The following PREX1 variants were observed in gnomAD, a reference collection of about 807,000 sequenced individuals.
PREX1 encodes phosphatidylinositol 3,4,5-trisphosphate-dependent Rac exchanger 1 protein.
PREX1 carries 41 observed loss-of-function variants against 198.3 expected under a neutral mutation model. The ratio of observed to expected loss-of-function variants is 0.21; its 90% CI spans 0.16 to 0.27. PREX1 has a LOEUF of 0.27. Among genes scored for constraint, PREX1 ranks in the 10% least tolerant of loss-of-function variants. The pLI is 1.00. For missense variants in PREX1, 1,620 were observed against 2,200.7 expected (o/e 0.74, Z 5.28); for synonymous variants, 843 against 887.2 (o/e 0.95, Z 0.89).
chr20:48,851,390 C>T, the PREX1 span, among the ~76,000 whole-genome samples: 2 of 152,050 alleles, frequency 1.3e-5, no homozygotes, highest in East Asian at 3.8e-4. Flanking sequence ...GCTTGTAATC[C>T]CAGCTATGTG....
the PREX1 span, among the ~76,000 whole-genome samples, chr20:48,871,742 G>A: frequency 4.8e-4 from 57 of 117,940 alleles, 2 homozygotes; most frequent in South Asian, 0.012. Flanking sequence ...ATAATATGGA[G>A]ATAATAATAG....
the PREX1 span, among the ~76,000 whole-genome samples, chr20:48,849,988 G>A: frequency 2.0e-5 from 3 of 152,166 alleles, no homozygotes; most frequent in Admixed American, 2.0e-4. Flanking sequence ...TCTTGGGCAA[G>A]TTACTCAACT....
intron 3 of PREX1, among the ~76,000 whole-genome samples, chr20:48,737,649 C>T (rs2090063088): frequency 6.6e-6 from 1 of 152,174 alleles, no homozygotes; most frequent in African/African-American, 2.4e-5. Context: ...TCAGAGTTCC[C>T]CGTCCTAATA....
chr20:48,646,887 G>C (rs1475040934), intron 25 of PREX1, among the ~76,000 whole-genome samples: 1 of 152,114 alleles, frequency 6.6e-6, no homozygotes, highest in Non-Finnish European at 1.5e-5. Context: ...TTCCTCATAT[G>C]TAAAATGGGA....
At chr20:48,819,066 G>A (rs1042402360) in intron 1 of PREX1, among the ~76,000 whole-genome samples, 2 of 152,142 alleles carry the variant, frequency 1.3e-5, no homozygotes, top group Non-Finnish European at 2.9e-5. Context: ...GGGAGGGGAC[G>A]GTACACCCAT....
chr20:48,795,117 T>C (rs2122987004), intron 1 of PREX1, among the ~76,000 whole-genome samples: 1 of 152,292 alleles, frequency 6.6e-6, no homozygotes, highest in Non-Finnish European at 1.5e-5. Context: ...TGTCTGCCTC[T>C]TACCAGAGGG....
chr20:48,839,627 T>G, the PREX1 span, among the ~76,000 whole-genome samples: 1 of 152,338 alleles, frequency 6.6e-6, no homozygotes, highest in Non-Finnish European at 1.5e-5. Flanking sequence ...TGGTCCATGC[T>G]TGTGCTACCT....
At chr20:48,770,718 A>G (rs2090231520) in intron 1 of PREX1, among the ~76,000 whole-genome samples, 2 of 152,178 alleles carry the variant, frequency 1.3e-5, no homozygotes, top group Non-Finnish European at 2.9e-5. Flanking sequence ...TCAAAAAAAA[A>G]AATCTGGCCA....
Position 48,691,830 on chromosome 20 carries a change from T to C in PREX1, c.1037-734A>G, listed in dbSNP as rs965792990. On this transcript the variant is annotated intron_variant, in intron 8 of 39. Coordinates refer to ENST00000371941, the MANE Select transcript of PREX1 (RefSeq NM_020820.4). This position sits in a 1 kb window ranked among gnomAD's most constrained non-coding sequence, Gnocchi z 5.0. ...CTGCAAACAGCTACATGCAGAGACA[T>C]GGATGAACCCCACTAACGTGGTGTT... is the stretch of plus-strand genomic sequence containing the variant. 6.6e-6 allele frequency among the ~76,000 whole-genome samples: 1 copy of C among 152,104 alleles called. No homozygotes were observed. The highest frequency in any genetic ancestry group is 2.4e-5 in the African/African-American group (1 of 41,410).
At chr20:48,797,846 C>T (rs1274648967) in intron 1 of PREX1, among the ~76,000 whole-genome samples, 1 of 152,206 alleles carries the variant, frequency 6.6e-6, no homozygotes, top group Admixed American at 6.5e-5. Flanking sequence ...CCAGGAGAGT[C>T]GATGACAGGC....
At chr20:48,816,978 G>A (rs745086) in intron 1 of PREX1, among the ~76,000 whole-genome samples, 70,830 of 152,028 alleles carry the variant, frequency 0.47, 16,753 homozygotes, top group African/African-American at 0.53. Flanking sequence ...CCATCTCTGT[G>A]TGATCCTAGG....
intron 1 of PREX1, among the ~76,000 whole-genome samples, chr20:48,817,824 A>G (rs539097317): frequency 1.3e-5 from 2 of 152,230 alleles, no homozygotes; most frequent in Non-Finnish European, 2.9e-5. Flanking sequence ...CATTCAAAAA[A>G]TACTTAATGA....
the PREX1 span, among the ~76,000 whole-genome samples, chr20:48,884,543 C>T: frequency 6.6e-6 from 1 of 152,124 alleles, no homozygotes; most frequent in Non-Finnish European, 1.5e-5. Flanking sequence ...AGGATAAGAA[C>T]TAAAACTATA....
At chr20:48,787,826 CT>C (rs2090320185) in intron 1 of PREX1, among the ~76,000 whole-genome samples, 1 of 152,044 alleles carries the variant, frequency 6.6e-6, no homozygotes, top group Non-Finnish European at 1.5e-5. Flanking sequence ...GATCAAAACA[CT>C]TTTTTTCCCC....
chr20:48,726,797 CT>C (rs772224823), intron 4 of PREX1, among the ~76,000 whole-genome samples: 4 of 152,210 alleles, frequency 2.6e-5, no homozygotes, highest in Non-Finnish European at 4.4e-5. Context: ...TCAAAAATGC[CT>C]TGCTTACAAC....
At chr20:48,672,932 A>G (rs149412357) in intron 14 of PREX1, among the ~76,000 whole-genome samples, 2 of 152,282 alleles carry the variant, frequency 1.3e-5, no homozygotes, top group East Asian at 3.9e-4. Context: ...CCAGAACGTA[A>G]TATCTGGGAG....
chr20:48,860,210 T>C, the PREX1 span, among the ~76,000 whole-genome samples: 1 of 152,218 alleles, frequency 6.6e-6, no homozygotes, highest in Non-Finnish European at 1.5e-5. Flanking sequence ...ATGAAGGACA[T>C]TCTGATACAT....
At chr20:48,628,076 G>C (rs1364965217) in intron 37 of PREX1, 113 bp from the exon 38 acceptor site, 4 of 780,818 alleles carry the variant, frequency 5.1e-6, no homozygotes, top group Non-Finnish European at 6.2e-6. Context: ...CTGTCCCTCC[G>C]AGGCCTCCCA....
chr20:48,643,786 G>C (rs1316059420), intron 27 of PREX1, among the ~76,000 whole-genome samples: 1 of 152,140 alleles, frequency 6.6e-6, no homozygotes, highest in East Asian at 1.9e-4. Flanking sequence ...TGATTCTCCT[G>C]CCTCAGCCTC....
Sources: allele counts gnomAD v4.1 joint callset (sites outside exome capture counted in the v4.1 genomes callset), GRCh38; gene constraint gnomAD v4.1.1; non-coding constraint Gnocchi (gnomAD v3.1); transcripts MANE v1.5; gene names NCBI Gene and HGNC (gene_info 2026-07-23, HGNC 2026-07-21).